Variants in FIP1L1 observed in about 807,000 individuals in gnomAD.
The protein encoded by FIP1L1 is pre-mRNA 3'-end-processing factor FIP1.
A neutral mutation model predicts 84.6 loss-of-function variants in FIP1L1; 21 were observed. The ratio of observed to expected loss-of-function variants is 0.25; its 90% CI spans 0.18 to 0.36. The LOEUF is 0.36. FIP1L1 is among the 10% of genes least tolerant of loss of function. The pLI is 1.00. For synonymous variants in FIP1L1, 263 were observed against 242.3 expected, an observed-to-expected ratio of 1.09 and a Z score of -0.80; for missense variants, 526 against 751.1, an observed-to-expected ratio of 0.70 and a Z score of 3.50.
Position 53,382,233 on chromosome 4 carries a change from C to T in FIP1L1, c.171-45C>T, listed in dbSNP as rs113304970. 2.0e-3 allele frequency: 2,826 copies of T among 1,402,014 alleles called. 46 individuals are homozygous for T. In the African/African-American group the frequency reaches 0.032, roughly 16 times the overall value. 86.8% of individuals were successfully genotyped at this position (1,402,014 alleles called of 1,614,324 possible). ...TACTAATATAATCTATCTGTACTTC[C>T]GAAAAGTAATGCCTGACATGTATAC... On this transcript the variant is annotated intron_variant, in intron 3 of 17. Coordinates refer to ENST00000337488, the MANE Select transcript of FIP1L1 (RefSeq NM_030917.4).
intron 15 of FIP1L1, among the ~76,000 whole-genome samples, chr4:53,445,303 G>A (rs1773719545): frequency 6.6e-6 from 1 of 152,146 alleles, no homozygotes; most frequent in Admixed American, 6.5e-5. Flanking sequence ...AGAAAGGTGG[G>A]GTTGGCCTTC....
intron 10 of FIP1L1, among the ~76,000 whole-genome samples, chr4:53,406,120 A>G (rs1460926159): frequency 1.3e-5 from 2 of 152,162 alleles, no homozygotes; most frequent in Admixed American, 1.3e-4. Context: ...GTTTTTGCCC[A>G]TTCAGTTTGA....
chr4:53,414,298 G>T (rs1361432835), intron 10 of FIP1L1, among the ~76,000 whole-genome samples: 4 of 152,052 alleles, frequency 2.6e-5, no homozygotes, highest in Admixed American at 6.6e-5. Flanking sequence ...AGAATTCATA[G>T]AGGCACAGAA....
At chr4:53,399,432 C>G (rs1371255584) in intron 9 of FIP1L1, among the ~76,000 whole-genome samples, 1 of 152,110 alleles carries the variant, frequency 6.6e-6, no homozygotes, top group Non-Finnish European at 1.5e-5. Context: ...TATCTGGGAC[C>G]TATTTGTAGT....
intron 11 of FIP1L1, among the ~76,000 whole-genome samples, chr4:53,423,798 C>T (rs1350587956): frequency 6.6e-6 from 1 of 152,038 alleles, no homozygotes; most frequent in South Asian, 2.1e-4. Flanking sequence ...TAGTATTTGC[C>T]ATTTTGAATC....
chr4:53,433,015 T>C (rs1767449547), intron 13 of FIP1L1, among the ~76,000 whole-genome samples: 1 of 152,192 alleles, frequency 6.6e-6, no homozygotes, highest in African/African-American at 2.4e-5. Flanking sequence ...GCCTGGCTTG[T>C]GTTAAGAAGT....
At chr4:53,382,504 T>G (rs1213813103) in intron 4 of FIP1L1, among the ~76,000 whole-genome samples, 169 bp downstream of exon 4, 2 of 152,174 alleles carry the variant, frequency 1.3e-5, no homozygotes, top group Non-Finnish European at 2.9e-5. Context: ...TATATAGGAA[T>G]TAAAATGAGG....
At chr4:53,421,059 C>T (rs1285557861) in intron 11 of FIP1L1, among the ~76,000 whole-genome samples, 2 of 151,986 alleles carry the variant, frequency 1.3e-5, no homozygotes, top group Non-Finnish European at 2.9e-5. Flanking sequence ...TGGTGTACAC[C>T]CTGTGCATCA....
At chr4:53,378,942 A>G in intron 1 of FIP1L1, 131 bp from the exon 2 acceptor site, 3 of 873,738 alleles carry the variant, frequency 3.4e-6, no homozygotes, top group Non-Finnish European at 5.3e-6. Flanking sequence ...TCTTTTACAA[A>G]GATCTGGAAA....
At position 53,390,557 on chromosome 4, in the gene FIP1L1, G is replaced by A; in HGVS notation, c.434G>A (p.Gly145Glu). 4.3e-6 allele frequency: 7 copies of A among 1,613,326 alleles called. No homozygotes were observed. The highest frequency in any genetic ancestry group is 5.9e-6 in the Non-Finnish European group (7 of 1,179,468). Reference sequence around the variant, plus strand: ...AAAGGAGTAGACCTTGATGCACCTGGAAGCATTAATGGAGTTCCACTCTTA... The same window carrying A: ...AAAGGAGTAGACCTTGATGCACCTGAAAGCATTAATGGAGTTCCACTCTTA... ...KVKGVDLDAP[G>E]SINGVPLLEV... The change falls in exon 7 of 18, where the codon GGA becomes GAA. Residue 145 changes from glycine (G) to glutamate (E), a missense_variant. Coordinates refer to ENST00000337488, the MANE Select transcript of FIP1L1 (RefSeq NM_030917.4).
chr4:53,414,476 T>C, intron 10 of FIP1L1, 139 bp from the exon 11 acceptor site: 1 of 543,044 alleles, frequency 1.8e-6, no homozygotes, highest in Non-Finnish European at 3.4e-6. Flanking sequence ...AGCAAGTAGT[T>C]TATATGACTT....
At chr4:53,389,573 T>C (rs1743035431) in intron 5 of FIP1L1, among the ~76,000 whole-genome samples, 2 of 152,170 alleles carry the variant, frequency 1.3e-5, no homozygotes, top group Admixed American at 1.3e-4. Context: ...ATCTCAGCAT[T>C]TTGGGAAGCC....
chr4:53,446,380 T>C (rs765722820), intron 15 of FIP1L1, among the ~76,000 whole-genome samples: 2 of 152,162 alleles, frequency 1.3e-5, no homozygotes, highest in Non-Finnish European at 2.9e-5. Flanking sequence ...TAGTAAACCA[T>C]CAAATGTTAC....
chr4:53,399,021 C>T (rs1286215903), intron 9 of FIP1L1, among the ~76,000 whole-genome samples: 6 of 152,050 alleles, frequency 3.9e-5, no homozygotes, highest in South Asian at 2.1e-4. Flanking sequence ...CATGGTGGTG[C>T]ACACCTGTAA....
At chr4:53,442,374 C>G (rs897771405) in intron 13 of FIP1L1, 4 of 308,688 alleles carry the variant, frequency 1.3e-5, no homozygotes, top group Non-Finnish European at 2.4e-5. Context: ...TTAACTTTCT[C>G]ATACTTACAA....
intron 9 of FIP1L1, among the ~76,000 whole-genome samples, chr4:53,395,359 C>A (rs1175733064): frequency 6.6e-6 from 1 of 152,146 alleles, no homozygotes; most frequent in African/African-American, 2.4e-5. Flanking sequence ...TCTTCTCTGA[C>A]CCCACCTCTC....
At chr4:53,379,741 G>A (rs1041517107) in intron 3 of FIP1L1, among the ~76,000 whole-genome samples, 3 of 152,102 alleles carry the variant, frequency 2.0e-5, no homozygotes, top group African/African-American at 7.2e-5. Flanking sequence ...TTTGTTATAA[G>A]GTTGATTTCT....
chr4:53,383,400 G>A (rs1348817952), intron 4 of FIP1L1, among the ~76,000 whole-genome samples: 4 of 152,152 alleles, frequency 2.6e-5, no homozygotes, highest in Non-Finnish European at 5.9e-5. Flanking sequence ...GGTGGCTCAC[G>A]CCTGTAATTC....
intron 13 of FIP1L1, among the ~76,000 whole-genome samples, chr4:53,431,788 T>C (rs1766788521): frequency 6.6e-6 from 1 of 152,230 alleles, no homozygotes; most frequent in African/African-American, 2.4e-5. Context: ...AGAGGTCTTA[T>C]TGCATAAGTA....
Sources: allele counts gnomAD v4.1 joint callset (sites outside exome capture counted in the v4.1 genomes callset), GRCh38; gene constraint gnomAD v4.1.1; transcripts MANE v1.5; gene names NCBI Gene and HGNC (gene_info 2026-07-23, HGNC 2026-07-21).